EFHC2: variants seen among roughly 807,000 people sequenced by gnomAD.
EFHC2 encodes EF-hand domain containing 2.
A neutral mutation model predicts 52.7 loss-of-function variants in EFHC2; 18 were observed. The ratio of observed to expected loss-of-function variants is 0.34; its 90% confidence interval spans 0.24 to 0.51. EFHC2 has a LOEUF of 0.51. Among genes scored for constraint, EFHC2 ranks in the 20% least tolerant of loss-of-function variants. The pLI is 0.97. For missense variants in EFHC2, 513 were observed against 562.5 expected, an observed-to-expected ratio of 0.91 and a Z score of 0.89; for synonymous variants, 203 against 204.1, an observed-to-expected ratio of 0.99 and a Z score of 0.04.
At chrX:44,179,929 G>T (rs2036820889) in intron 11 of EFHC2, among the ~76,000 whole-genome samples, 1 of 112,438 alleles carries the variant, frequency 8.9e-6, no homozygotes, top group Non-Finnish European at 1.9e-5. Context: ...TGAGTACTGT[G>T]TGCCAGGTCC....
At chrX:44,195,805 GA>G (rs2036961295) in intron 11 of EFHC2, among the ~76,000 whole-genome samples, 1 of 112,176 alleles carries the variant, frequency 8.9e-6, no homozygotes, top group Non-Finnish European at 1.9e-5. Context: ...TCCTTTCTGT[GA>G]GTGGCCAGTG....
chrX:44,315,497 T>C (rs1288553548), intron 1 of EFHC2, among the ~76,000 whole-genome samples: 3 of 111,308 alleles, frequency 2.7e-5, no homozygotes, highest in African/African-American at 9.8e-5. Context: ...GCAGTGTTAT[T>C]ACTGCCATTT....
intron 1 of EFHC2, among the ~76,000 whole-genome samples, chrX:44,342,505 T>C (rs1265180437): frequency 1.8e-5 from 2 of 111,694 alleles, no homozygotes; most frequent in Non-Finnish European, 3.8e-5. Context: ...TGAGGTGCTA[T>C]TTATTGGCAA....
chrX:44,160,502 T>C (rs1386991803), intron 14 of EFHC2, among the ~76,000 whole-genome samples: 1 of 112,068 alleles, frequency 8.9e-6, no homozygotes, highest in Non-Finnish European at 1.9e-5. Flanking sequence ...CTGTAGGTTG[T>C]AGTACAAAAA....
chrX:44,280,610 C>T (rs1048764589), intron 2 of EFHC2, among the ~76,000 whole-genome samples: 4 of 111,891 alleles, frequency 3.6e-5, no homozygotes, highest in African/African-American at 9.7e-5. Context: ...AAAATAATGA[C>T]CTAGGCAAAG....
chrX:44,171,900 C>T (rs2036748600), intron 13 of EFHC2, among the ~76,000 whole-genome samples: 3 of 110,917 alleles, frequency 2.7e-5, no homozygotes, highest in Non-Finnish European at 3.8e-5. Flanking sequence ...AGAGAAGGGG[C>T]TTCTCTGTGA....
intron 11 of EFHC2, among the ~76,000 whole-genome samples, chrX:44,210,111 C>T (rs2037083836): frequency 9.0e-6 from 1 of 111,078 alleles, no homozygotes. Context: ...GACACCTGGG[C>T]CTATGGAGAA....
intron 8 of EFHC2, among the ~76,000 whole-genome samples, chrX:44,237,533 C>T (rs752780087): frequency 1.2e-4 from 13 of 111,555 alleles, no homozygotes; most frequent in Non-Finnish European, 2.1e-4. Flanking sequence ...TACATACAGC[C>T]CAGAGTTATC....
chrX:44,320,640 G>T (rs1411510411), intron 1 of EFHC2, among the ~76,000 whole-genome samples: 2 of 110,751 alleles, frequency 1.8e-5, no homozygotes, highest in Non-Finnish European at 3.8e-5. Flanking sequence ...TCCTTTCAAT[G>T]AACTCATAAA....
At position 44,337,255 on chromosome X, in the gene EFHC2, G is replaced by GT. The variant is rs1395135047; in HGVS notation, c.42+6291dup. Among the ~76,000 whole-genome samples, 12 of 110,488 alleles carry GT rather than the reference G, an allele frequency of 1.1e-4. No homozygotes were observed. In the East Asian group the frequency reaches 3.4e-3, roughly 31 times the overall value. Reference sequence around the variant, plus strand: ...AGCTAAGTTTAACTATCTGTTTTGGGTTTTTTTTCCCTCAAAAAAGCTGGT... The same window carrying GT: ...AGCTAAGTTTAACTATCTGTTTTGGGTTTTTTTTTCCCTCAAAAAAGCTGGT... On this transcript the variant is annotated intron_variant, in intron 1 of 14. Coordinates refer to ENST00000420999, the MANE Select transcript of EFHC2 (RefSeq NM_025184.4).
At chrX:44,335,040 A>C (rs951057503) in intron 1 of EFHC2, among the ~76,000 whole-genome samples, 11 of 111,264 alleles carry the variant, frequency 9.9e-5, no homozygotes, top group African/African-American at 3.6e-4. Context: ...GTAACTATAA[A>C]AAGAAATGAG....
At chrX:44,151,753 TATATC>T (rs1327765551) in intron 14 of EFHC2, among the ~76,000 whole-genome samples, 4 of 111,897 alleles carry the variant, frequency 3.6e-5, no homozygotes, top group Admixed American at 9.5e-5. Context: ...AATCCGGTGT[TATATC>T]ATAAGGAAAG....
chrX:44,198,925 G>A (rs948219903), intron 11 of EFHC2, among the ~76,000 whole-genome samples: 8 of 112,178 alleles, frequency 7.1e-5, no homozygotes, highest in African/African-American at 2.6e-4. Context: ...GCTTTTCTCT[G>A]CTGAGTCTCT....
At chrX:44,215,644 C>T (rs2037140808) in intron 11 of EFHC2, among the ~76,000 whole-genome samples, 1 of 109,707 alleles carries the variant, frequency 9.1e-6, no homozygotes, top group African/African-American at 3.3e-5. Flanking sequence ...GAACTGTACA[C>T]CAAAAAAGTG....
chrX:44,327,844 C>G (rs1294815417), intron 1 of EFHC2, among the ~76,000 whole-genome samples: 1 of 112,118 alleles, frequency 8.9e-6, no homozygotes, highest in Non-Finnish European at 1.9e-5. Flanking sequence ...CTAATTTCCT[C>G]TCTTTCTAAA....
intron 11 of EFHC2, among the ~76,000 whole-genome samples, chrX:44,217,634 A>G (rs1475859025): frequency 1.8e-5 from 2 of 111,451 alleles, no homozygotes; most frequent in Non-Finnish European, 3.8e-5. Flanking sequence ...TGTGGGATCT[A>G]CAAGTCAAAA....
At chrX:44,189,565 G>C (rs1417904040) in intron 11 of EFHC2, among the ~76,000 whole-genome samples, 1 of 112,018 alleles carries the variant, frequency 8.9e-6, no homozygotes, top group Non-Finnish European at 1.9e-5. Context: ...GAAGGGTGTT[G>C]AGCAAGACAG....
At chrX:44,317,317 T>C (rs1418299962) in intron 1 of EFHC2, among the ~76,000 whole-genome samples, 3 of 112,282 alleles carry the variant, frequency 2.7e-5, no homozygotes, top group Non-Finnish European at 5.6e-5. Flanking sequence ...GCAGACGCAG[T>C]TTGTCAGTTT....
intron 11 of EFHC2, among the ~76,000 whole-genome samples, chrX:44,223,963 C>T (rs1195154763): frequency 9.0e-6 from 1 of 111,629 alleles, no homozygotes; most frequent in Non-Finnish European, 1.9e-5. Context: ...GATAATTGTC[C>T]TAGATAAATC....
Sources: allele counts gnomAD v4.1 joint callset (sites outside exome capture counted in the v4.1 genomes callset), GRCh38; gene constraint gnomAD v4.1.1; transcripts MANE v1.5; gene names NCBI Gene and HGNC (gene_info 2026-07-23, HGNC 2026-07-21).